LURAP1: variants seen among roughly 807,000 people sequenced by gnomAD.
The protein encoded by LURAP1 is NF-kappa-B activator C1orf190.
Under a neutral mutation model 19.0 loss-of-function variants are expected in LURAP1, and 14 were observed. That is an observed-to-expected ratio of 0.74 (90% confidence interval 0.49 to 1.15). The LOEUF is 1.15. Among genes scored for constraint, LURAP1 ranks in the 50% most tolerant of loss-of-function variants. The pLI is 0.00. For missense variants in LURAP1, 273 were observed against 309.1 expected (o/e 0.88, Z 0.87); for synonymous variants, 129 against 131.8 (o/e 0.98, Z 0.14).
chr1:46,205,365 C>T (rs1658678766), intron 1 of LURAP1, among the ~76,000 whole-genome samples: 1 of 152,084 alleles, frequency 6.6e-6, no homozygotes, highest in South Asian at 2.1e-4. Context: ...TGCCCAACAT[C>T]ACGCAAAAAG....
At chr1:46,204,041 C>A (rs750280242) in intron 1 of LURAP1, among the ~76,000 whole-genome samples, 1 of 152,260 alleles carries the variant, frequency 6.6e-6, no homozygotes, top group East Asian at 1.9e-4. Context: ...GGTTTAAGTT[C>A]CTGTGAGGCC....
chr1:46,203,881 T>C (rs919113217), intron 1 of LURAP1, among the ~76,000 whole-genome samples: 3 of 152,042 alleles, frequency 2.0e-5, no homozygotes, highest in Admixed American at 1.3e-4. Flanking sequence ...AAGTTATTCC[T>C]GCCAAATAAT....
intron 1 of LURAP1, among the ~76,000 whole-genome samples, chr1:46,217,495 A>G (rs1659102601): frequency 6.6e-6 from 1 of 152,210 alleles, no homozygotes. Flanking sequence ...GAGTAATTTT[A>G]TTGCCTATTA....
intron 1 of LURAP1, among the ~76,000 whole-genome samples, chr1:46,217,724 G>C (rs1659110516): frequency 6.6e-6 from 1 of 152,164 alleles, no homozygotes; most frequent in Admixed American, 6.5e-5. Flanking sequence ...AGGCGTGGTA[G>C]GTGATACTTG....
At chr1:46,204,426 G>A (rs1439537187) in intron 1 of LURAP1, among the ~76,000 whole-genome samples, 1 of 152,212 alleles carries the variant, frequency 6.6e-6, no homozygotes, top group Non-Finnish European at 1.5e-5. Flanking sequence ...TGAAGTGGGT[G>A]ATTTACACCT....
At chr1:46,215,772 C>T (rs1006077643) in intron 1 of LURAP1, among the ~76,000 whole-genome samples, 2 of 152,080 alleles carry the variant, frequency 1.3e-5, no homozygotes, top group South Asian at 4.1e-4. Flanking sequence ...TAGGTACATG[C>T]CTGTAGTCCA....
intron 1 of LURAP1, among the ~76,000 whole-genome samples, chr1:46,216,943 A>G (rs1426968975): frequency 6.6e-6 from 1 of 152,218 alleles, no homozygotes; most frequent in African/African-American, 2.4e-5. Flanking sequence ...CTCCAGTTGC[A>G]TACATGTTGC....
intron 1 of LURAP1, among the ~76,000 whole-genome samples, chr1:46,203,837 C>G (rs1658626878): frequency 6.6e-6 from 1 of 152,004 alleles, no homozygotes; most frequent in Non-Finnish European, 1.5e-5. Flanking sequence ...TGTTGATGGT[C>G]CTGAGGACTT....
In LURAP1 at chr1:46,220,260, C is replaced by G. The variant is rs1659200107; in HGVS notation, c.*40C>G. ...TTTTGTAATCCTGTGGCTCTTTTATCCATTAGATGTGGTCTCCCCCAAAAT... is the reference window on the plus strand; with the variant it reads ...TTTTGTAATCCTGTGGCTCTTTTATGCATTAGATGTGGTCTCCCCCAAAAT... On this transcript the variant is annotated 3_prime_UTR_variant, in exon 2 of 2. Coordinates refer to ENST00000371980, the MANE Select transcript of LURAP1 (RefSeq NM_001013615.3). The G allele has an allele frequency of 1.3e-6, 2 of 1,543,904 alleles. No homozygotes were observed. Among genetic ancestry groups the G allele is most frequent in the Non-Finnish European group, 1.7e-6 (2 of 1,146,358 alleles).
chr1:46,216,438 C>A (rs1174202600), intron 1 of LURAP1, among the ~76,000 whole-genome samples: 1 of 152,084 alleles, frequency 6.6e-6, no homozygotes. Flanking sequence ...ACCCCCCAGG[C>A]TCAAGCAATC....
rs762267109 is a variant in LURAP1, at chr1:46,220,104, C to G, written c.604C>G (p.Pro202Ala). The G allele has an allele frequency of 1.5e-5, 25 of 1,614,060 alleles. No homozygotes were observed. Among genetic ancestry groups the G allele is most frequent in the Admixed American group, 8.3e-5 (5 of 59,992 alleles). The change falls in exon 2 of 2, where the codon CCA (proline) becomes GCA (alanine). Residue 202 changes from proline (P) to alanine (A), a missense_variant. By Grantham distance (27) the Pro-to-Ala change is conservative (BLOSUM62 -1). Transcript: ENST00000371980. ...LGSLRAVWKP[P>A]GERLQGGPPE... ...GAGCTTGAGAGCTGTGTGGAAGCCCCCAGGGGAGAGGCTTCAAGGTGGACC... is the reference window on the plus strand; with the variant it reads ...GAGCTTGAGAGCTGTGTGGAAGCCCGCAGGGGAGAGGCTTCAAGGTGGACC...
intron 1 of LURAP1, among the ~76,000 whole-genome samples, chr1:46,205,750 A>G (rs1252394903): frequency 6.6e-6 from 1 of 151,898 alleles, no homozygotes; most frequent in Non-Finnish European, 1.5e-5. Flanking sequence ...TCCCCATCCT[A>G]TTTTTTCTCC....
chr1:46,212,595 G>T (rs1235445332), intron 1 of LURAP1, among the ~76,000 whole-genome samples: 2 of 149,172 alleles, frequency 1.3e-5, no homozygotes, highest in Admixed American at 6.7e-5. Flanking sequence ...TTTTTTTTTT[G>T]AATCAGAGTC....
intron 1 of LURAP1, among the ~76,000 whole-genome samples, chr1:46,207,653 C>G (rs1216769756): frequency 6.6e-6 from 1 of 151,938 alleles, no homozygotes; most frequent in Non-Finnish European, 1.5e-5. Flanking sequence ...ATTCTCCTGC[C>G]TCAGCCTCCC....
chr1:46,212,445 G>T (rs537968335), intron 1 of LURAP1, among the ~76,000 whole-genome samples: 1 of 150,904 alleles, frequency 6.6e-6, no homozygotes, highest in South Asian at 2.1e-4. Context: ...CACGCCCAGC[G>T]AATTTTTTTG....
At chr1:46,207,732 G>A (rs1164777010) in intron 1 of LURAP1, among the ~76,000 whole-genome samples, 6 of 150,978 alleles carry the variant, frequency 4.0e-5, no homozygotes, top group Non-Finnish European at 7.4e-5. Flanking sequence ...TAGAGACGGG[G>A]TTTCACCATG....
At chr1:46,212,809 G>C (rs1487796863) in intron 1 of LURAP1, among the ~76,000 whole-genome samples, 1 of 151,606 alleles carries the variant, frequency 6.6e-6, no homozygotes, top group Admixed American at 6.6e-5. Flanking sequence ...GCCCAGGCTG[G>C]AGTGCAGTGG....
chr1:46,209,406 G>A (rs1658822848), intron 1 of LURAP1, among the ~76,000 whole-genome samples: 1 of 152,094 alleles, frequency 6.6e-6, no homozygotes, highest in East Asian at 1.9e-4. Flanking sequence ...GCACAAGTGG[G>A]GCTGAAAACA....
Position 46,220,058 on chromosome 1 carries a change from T to C in LURAP1, c.558T>C (p.Asp186=), listed in dbSNP as rs769852406. 1 of 1,614,186 alleles carries C rather than the reference T, an allele frequency of 6.2e-7. No individual in the cohort carries two copies. The highest frequency in any genetic ancestry group is 1.1e-5 in the South Asian group (1 of 91,084). The stretch of plus-strand genomic sequence containing the variant: ...GAGAGAGGGCCAGGACTGAGGTGGA[T>C]GTGGCAGCCACCAGGCTAGGGAGCT... The part of the protein sequence containing the change: ...AGGERARTEV[D]VAATRLGSLR... The change falls in exon 2 of 2, where the codon GAT becomes GAC. Residue 186 remains aspartate (D), a synonymous_variant. Coordinates refer to ENST00000371980, the MANE Select transcript of LURAP1 (RefSeq NM_001013615.3).
Sources: allele counts gnomAD v4.1 joint callset (sites outside exome capture counted in the v4.1 genomes callset), GRCh38; gene constraint gnomAD v4.1.1; transcripts MANE v1.5; gene names NCBI Gene and HGNC (gene_info 2026-07-23, HGNC 2026-07-21).